The following MCU variants were observed in gnomAD, a reference collection of about 807,000 sequenced individuals.
MCU encodes mitochondrial calcium uniporter, also known as calcium uniporter protein, mitochondrial.
MCU carries 12 observed loss-of-function variants against 45.2 expected under a neutral mutation model. The ratio of observed to expected loss-of-function variants is 0.27; its 90% confidence interval spans 0.17 to 0.43. The LOEUF (loss-of-function observed/expected upper bound fraction) is 0.43. Ranked by LOEUF, MCU falls within the 20% of genes least tolerant of loss-of-function variation. The pLI is 1.00. For synonymous variants in MCU, 160 were observed against 165.1 expected (o/e 0.97, Z 0.24); for missense variants, 324 against 436.7 (o/e 0.74, Z 2.30).
In MCU at chr10:72,734,343, C is replaced by T. The variant is rs919731842; in HGVS notation, c.150+42042C>T. On this transcript the variant is annotated intron_variant, in intron 1 of 7. Transcript: ENST00000373053. ...CTTGAGGTGTGTGTAGTCCAAACTA[C>T]TATGTACTGCAAATACAAAATATAC... Among the ~76,000 whole-genome samples, 3 of 152,308 alleles carry T rather than the reference C, an allele frequency of 2.0e-5. No individual in the cohort carries two copies. The South Asian group carries it at 6.2e-4, about 32-fold the overall frequency.
At chr10:72,794,586 T>A (rs1215399059) in intron 1 of MCU, among the ~76,000 whole-genome samples, 1 of 152,256 alleles carries the variant, frequency 6.6e-6, no homozygotes, top group Non-Finnish European at 1.5e-5. Flanking sequence ...TTTTGTTCTG[T>A]TTCTGTCCCT....
At chr10:72,781,988 A>G (rs1844001732) in intron 1 of MCU, among the ~76,000 whole-genome samples, 1 of 152,162 alleles carries the variant, frequency 6.6e-6, no homozygotes, top group African/African-American at 2.4e-5. Context: ...CTTTCATGAA[A>G]GAAACCAATG....
intron 4 of MCU, chr10:72,861,788 C>T (rs1845381218): frequency 3.4e-6 from 1 of 291,404 alleles, no homozygotes; most frequent in South Asian, 2.7e-5. Flanking sequence ...TGAGTCACCG[C>T]ACCCAGCAAG....
At chr10:72,861,807 T>C (rs1002017124) in intron 4 of MCU, 5 of 303,610 alleles carry the variant, frequency 1.6e-5, no homozygotes, top group Non-Finnish European at 3.3e-5. Context: ...AGATAAATAG[T>C]ATTTTTATGT....
At chr10:72,821,800 T>C (rs1227227947) in intron 1 of MCU, among the ~76,000 whole-genome samples, 1 of 151,982 alleles carries the variant, frequency 6.6e-6, no homozygotes, top group African/African-American at 2.4e-5. Context: ...TATTACAGGG[T>C]TCTTGCTTTT....
chr10:72,868,900 G>A, intron 5 of MCU, 37 bp downstream of exon 5: 1 of 1,599,002 alleles, frequency 6.3e-7, no homozygotes, highest in Non-Finnish European at 8.5e-7. Flanking sequence ...ACCTTAACCT[G>A]TATTTTTTCC....
chr10:72,786,030 G>A (rs1169624885), intron 1 of MCU, among the ~76,000 whole-genome samples: 1 of 152,156 alleles, frequency 6.6e-6, no homozygotes, highest in Non-Finnish European at 1.5e-5. Flanking sequence ...AACAAGCACT[G>A]TGTGAAAAAA....
Position 72,834,442 on chromosome 10 carries a change from A to G in MCU, c.220+14A>G, listed in dbSNP as rs189944464. The G allele has an allele frequency of 3.6e-5, 58 of 1,607,314 alleles. No individual in the cohort carries two copies. In the African/African-American group the frequency reaches 5.2e-4, roughly 14 times the overall value. On this transcript the variant is annotated intron_variant, in intron 2 of 7. Transcript: ENST00000373053. ...TGCCCTCTGATGGTGAGTTTCAGCA[A>G]ATCCACCTTTTATGTCTAATATTAT...
intron 1 of MCU, among the ~76,000 whole-genome samples, chr10:72,776,787 C>G (rs145531848): frequency 4.9e-4 from 75 of 152,222 alleles, no homozygotes; most frequent in African/African-American, 1.8e-3. Context: ...TAGCCTTGTT[C>G]ACAGATGACA....
chr10:72,757,052 A>G (rs1055620406), intron 1 of MCU: 4 of 152,102 alleles, frequency 2.6e-5, no homozygotes, highest in Non-Finnish European at 5.9e-5. Flanking sequence ...ACGAAAGTAC[A>G]TAAGTGTATG....
chr10:72,777,058 CA>C (rs1479535076), intron 1 of MCU, among the ~76,000 whole-genome samples: 2 of 152,132 alleles, frequency 1.3e-5, no homozygotes, highest in East Asian at 3.9e-4. Flanking sequence ...GAAGAAGATG[CA>C]AAAAAGCAGA....
At chr10:72,878,518 A>T (rs1358691372) in intron 6 of MCU, among the ~76,000 whole-genome samples, 1 of 152,188 alleles carries the variant, frequency 6.6e-6, no homozygotes, top group Non-Finnish European at 1.5e-5. Flanking sequence ...AGGACTCCAG[A>T]TATTGGTATT....
At chr10:72,868,627 C>G (rs1256896347) in intron 4 of MCU, 76 bp from the exon 5 acceptor site, 16 of 1,321,188 alleles carry the variant, frequency 1.2e-5, no homozygotes, top group Non-Finnish European at 1.7e-5. Flanking sequence ...ATGGATGAAT[C>G]TGCCTCATCT....
At chr10:72,726,894 A>G (rs573975984) in intron 1 of MCU, among the ~76,000 whole-genome samples, 3 of 152,336 alleles carry the variant, frequency 2.0e-5, no homozygotes, top group African/African-American at 7.2e-5. Context: ...TTCTATTTAT[A>G]AAATTGATAA....
chr10:72,844,452 G>T (rs10823945), intron 2 of MCU, among the ~76,000 whole-genome samples: 2 of 151,884 alleles, frequency 1.3e-5, no homozygotes, highest in African/African-American at 4.8e-5. Context: ...ACCTGTAGTT[G>T]TAGCTACTCA....
At chr10:72,777,915 A>G (rs2132746590) in intron 1 of MCU, among the ~76,000 whole-genome samples, 1 of 152,358 alleles carries the variant, frequency 6.6e-6, no homozygotes, top group Non-Finnish European at 1.5e-5. Context: ...AAATGGCCAA[A>G]TAGGTGTGTG....
At chr10:72,704,594 A>G (rs981335629) in intron 1 of MCU, among the ~76,000 whole-genome samples, 7 of 151,690 alleles carry the variant, frequency 4.6e-5, no homozygotes, top group Admixed American at 2.0e-4. Context: ...GCCGGAGTTC[A>G]TGGCACCATT....
At chr10:72,780,553 G>GTGTGTGT (rs1276944923) in intron 1 of MCU, among the ~76,000 whole-genome samples, 1 of 8,654 alleles carries the variant, frequency 1.2e-4, no homozygotes, top group Non-Finnish European at 3.7e-4. Context: ...TGTGTGTGTT[G>GTGTGTGT]GGTGAATTTG....
intron 1 of MCU, among the ~76,000 whole-genome samples, chr10:72,769,736 G>T (rs561781295): frequency 6.6e-6 from 1 of 152,268 alleles, no homozygotes; most frequent in South Asian, 2.1e-4. Context: ...CATCACCCCA[G>T]AAGGAAACCC....
Sources: gnomAD v4.1 joint callset for allele counts (sites outside exome capture counted in the v4.1 genomes callset) on GRCh38, gnomAD v4.1.1 for gene constraint, MANE v1.5 for transcripts, NCBI Gene and HGNC (gene_info 2026-07-23, HGNC 2026-07-21) for gene names.